Variants in RTEL1 observed in about 807,000 individuals in gnomAD.
RTEL1 encodes regulator of telomere elongation helicase 1.
Under a neutral mutation model 162.2 loss-of-function variants are expected in RTEL1, and 86 were observed. The ratio of observed to expected loss-of-function variants is 0.53; its 90% confidence interval spans 0.45 to 0.63. The LOEUF (loss-of-function observed/expected upper bound fraction) is 0.63. RTEL1 is among the 30% of genes least tolerant of loss of function. The probability of loss-of-function intolerance (pLI) is 0.00; values close to 1 mark genes in which losing one functional copy is unlikely to be tolerated. For missense variants in RTEL1, 1,941 were observed against 1,750.2 expected, an observed-to-expected ratio of 1.11 and a Z score of -1.95; for synonymous variants, 958 against 717.9, an observed-to-expected ratio of 1.33 and a Z score of -5.35.
In RTEL1 at chr20:63,685,816, A is replaced by T. The variant is rs914817068; in HGVS notation, c.1292A>T (p.His431Leu). Residue 431 changes from histidine to leucine, a missense_variant, in exon 16 of 35, where the codon CAC becomes CTC. Transcript: ENST00000360203. ...YKVHIHPDAG[H>L]RRTAQRSDAW... ...GTGCACATCCATCCTGATGCTGGTC[A>T]CCGGAGGACGGCTCAGCGGTCTGAT... The T allele has an allele frequency of 1.9e-5, 31 of 1,612,632 alleles. No homozygotes were observed. Among genetic ancestry groups the T allele is most frequent in the Non-Finnish European group, 2.5e-5 (29 of 1,179,924 alleles).
chr20:63,665,358 TG>T, intron 6 of RTEL1: 1 of 152,572 alleles, frequency 6.6e-6, no homozygotes, highest in Non-Finnish European at 1.5e-5. Context: ...GGTTCCAGTT[TG>T]GGGGGCCTGT....
intron 30 of RTEL1, among the ~76,000 whole-genome samples, chr20:63,693,510 TCCTCCACCACCACCACCTCCA>T (rs2090851599): frequency 2.3e-4 from 1 of 4,384 alleles, no homozygotes; most frequent in Non-Finnish European, 3.9e-4. Context: ...CACCACCACC[TCCTCCACCACCACCACCTCCA>T]CCACCACCAC....
rs1313517110 is a variant in RTEL1, at chr20:63,661,410, T to C, written c.215T>C (p.Ile72Thr). The change falls in exon 3 of 35, where the codon ATT becomes ACT. Residue 72 changes from isoleucine (I) to threonine (T), a missense_variant. Physicochemically the swap from Ile to Thr is moderately conservative, Grantham distance 89. Transcript: ENST00000360203. The surrounding 1 kb of genome is among the most constrained non-coding windows in gnomAD (Gnocchi z 5.1). Reference sequence around the variant, plus strand: ...CGAGACGGCATCTCTGCCCGCAAGATTGCCGAGAGGGCGCAAGGAGAGCTT... The same window carrying C: ...CGAGACGGCATCTCTGCCCGCAAGACTGCCGAGAGGGCGCAAGGAGAGCTT... The part of the protein sequence containing the change: ...HLRDGISARK[I>T]AERAQGELFP... 2 of 1,613,826 alleles carry C rather than the reference T, an allele frequency of 1.2e-6. No homozygotes were observed. Among genetic ancestry groups the C allele is most frequent in the East Asian group, 2.2e-5 (1 of 44,880 alleles).
In RTEL1 at chr20:63,661,490, C is replaced by G. The variant is rs756311232; in HGVS notation, c.295C>G (p.Pro99Ala). Residue 99 changes from proline to alanine, a missense_variant, in exon 3 of 35, where the codon CCC becomes GCC. By Grantham distance (27) the Pro-to-Ala change is conservative (BLOSUM62 -1). Coordinates refer to ENST00000360203, the MANE Select transcript of RTEL1 (RefSeq NM_001283009.2). This position sits in a 1 kb window ranked among gnomAD's most constrained non-coding sequence, Gnocchi z 5.1. ...CAACGCTGCTGCTGCTGCTGGAGAC[C>G]CCATAGGTGACCCTAGTTCCCAGGC... is the stretch of plus-strand genomic sequence containing the variant. Reference protein sequence around the residue: ...WGNAAAAAGDPIACYTDIPKI... With the variant: ...WGNAAAAAGDAIACYTDIPKI... 1.9e-6 allele frequency: 3 copies of G among 1,610,162 alleles called. No individual in the cohort carries two copies. Among genetic ancestry groups the G allele is most frequent in the Middle Eastern group, 1.6e-4 (1 of 6,080 alleles).
intron 14 of RTEL1, chr20:63,681,082 C>T (rs2090469141): frequency 2.0e-6 from 2 of 985,428 alleles, no homozygotes; most frequent in Non-Finnish European, 1.2e-6. Flanking sequence ...GCTCTGGACA[C>T]ACGCGGCTTC....
intron 30 of RTEL1, among the ~76,000 whole-genome samples, 162 bp downstream of exon 30, chr20:63,693,445 G>T (rs1386233814): frequency 1.5e-5 from 1 of 65,664 alleles, no homozygotes; most frequent in Admixed American, 1.4e-4. Context: ...ACCAGCACCA[G>T]CAGCACCACC....
At chr20:63,672,726 T>A in intron 9 of RTEL1, 105 bp downstream of exon 9, 1 of 950,926 alleles carries the variant, frequency 1.1e-6, no homozygotes, top group Non-Finnish European at 1.7e-6. Flanking sequence ...CCTGAAGCCC[T>A]AGGTGCCCAG....
chr20:63,685,983 G>A, intron 16 of RTEL1, 111 bp downstream of exon 16: 2 of 1,004,412 alleles, frequency 2.0e-6, no homozygotes, highest in Non-Finnish European at 3.0e-6. Flanking sequence ...CCATGGGCCT[G>A]GCCACCTTCT....
Position 63,661,230 on chromosome 20 carries a change from T to A in RTEL1, c.103-68T>A. On this transcript the variant is annotated intron_variant, in intron 2 of 34. Coordinates refer to ENST00000360203, the MANE Select transcript of RTEL1 (RefSeq NM_001283009.2). The surrounding 1 kb of genome is among the most constrained non-coding windows in gnomAD (Gnocchi z 5.1). ...TGCCCGCTGGCTGCCGAAGCTTGTC[T>A]CAGGGCAGCTTGTGTGGCCTCGCCT... 6.8e-7 allele frequency: 1 copy of A among 1,469,582 alleles called. No homozygotes were observed. The highest frequency in any genetic ancestry group is 1.2e-5 in the South Asian group (1 of 86,140). The allele number at this position is 1,469,582 out of a possible 1,614,324, so 91.0% of individuals were successfully genotyped here.
rs74179819 is a variant in RTEL1, at chr20:63,693,621, A to T, written c.2992+338A>T. Among the ~76,000 whole-genome samples, 115 of 19,816 alleles carry T rather than the reference A, an allele frequency of 5.8e-3. 1 individual carries two copies. Among genetic ancestry groups the T allele is most frequent in the South Asian group, 8.7e-3 (4 of 462 alleles). 13.0% of individuals were successfully genotyped at this position (19,816 alleles called of 152,430 possible). A position where few individuals can be genotyped will look rare whatever the true frequency, so the allele number is the denominator to read the frequency against. On this transcript the variant is annotated intron_variant, in intron 30 of 34. Transcript: ENST00000360203. ...CTCCACCACCACCACCTCCACCTCC[A>T]CCACCACCTCCACCACCACCACCTC...
rs1404676478 is a variant in RTEL1, at chr20:63,680,091, C to T, written c.1135+145C>T. On this transcript the variant is annotated intron_variant, in intron 13 of 34. Coordinates refer to ENST00000360203, the MANE Select transcript of RTEL1 (RefSeq NM_001283009.2). Reference sequence around the variant, plus strand: ...ACAGAACCTCATCTTCTGATCGGGGCGTGGAGGCGTTAGTGCCACTTGCCA... The same window carrying T: ...ACAGAACCTCATCTTCTGATCGGGGTGTGGAGGCGTTAGTGCCACTTGCCA... 27 of 623,030 alleles carry T rather than the reference C, an allele frequency of 4.3e-5. No individual in the cohort carries two copies. In the East Asian group the frequency reaches 6.7e-4, roughly 15 times the overall value. 38.6% of individuals were successfully genotyped at this position (623,030 alleles called of 1,614,324 possible).
At chr20:63,689,927 T>C in intron 24 of RTEL1, 62 bp downstream of exon 24, 1 of 1,560,316 alleles carries the variant, frequency 6.4e-7, no homozygotes, top group East Asian at 2.3e-5. Flanking sequence ...ACTGGGCCCC[T>C]GGACTCTCCT....
At chr20:63,689,179 G>C (rs748142510) in intron 22 of RTEL1, 47 bp downstream of exon 22, 1 of 1,569,264 alleles carries the variant, frequency 6.4e-7, no homozygotes, top group Non-Finnish European at 8.7e-7. Flanking sequence ...CCTGTTCCCT[G>C]GTGGGTGCTT....
chr20:63,691,849 G>T lies in RTEL1; in HGVS notation c.2652+12G>T. 1 of 1,604,860 alleles carries T rather than the reference G, an allele frequency of 6.2e-7. No homozygotes were observed. On this transcript the variant is annotated intron_variant, in intron 28 of 34. Transcript: ENST00000360203. ...TGGTCAGCCACCCGGTGCGTGAGCT[G>T]TCCCTGCACCTGTGCCGACCACCAT...
chr20:63,678,121 C>T (rs1395258627), intron 10 of RTEL1, 24 bp from the exon 11 acceptor site: 2 of 1,614,168 alleles, frequency 1.2e-6, no homozygotes, highest in African/African-American at 1.3e-5. Flanking sequence ...TGCAGACTGC[C>T]TTTGCTGCCT....
intron 30 of RTEL1, among the ~76,000 whole-genome samples, chr20:63,693,824 C>T (rs539264874): frequency 1.4e-5 from 2 of 145,022 alleles, no homozygotes; most frequent in East Asian, 2.1e-4. Flanking sequence ...AGCCCTGTCC[C>T]TGCCATAGCC....
At chr20:63,693,486 A>ACCACCACCTCCACCTCCACCT (rs2090844506) in intron 30 of RTEL1, among the ~76,000 whole-genome samples, 1 of 21,220 alleles carries the variant, frequency 4.7e-5, no homozygotes, top group Non-Finnish European at 1.1e-4. Flanking sequence ...CACCTCCACC[A>ACCACCACCTCCACCTCCACCT]CCACCTCCAC....
Position 63,692,788 on chromosome 20 carries a change from G to C in RTEL1, c.2653-17G>C. On this transcript the variant is annotated splice_polypyrimidine_tract_variant and intron_variant, in intron 28 of 34. Coordinates refer to ENST00000360203, the MANE Select transcript of RTEL1 (RefSeq NM_001283009.2). ...ATGAGGCTGGCCCTGATGGAGCCTC[G>C]GGCCTGTGTCCTGCAGGAGGAGCCC... is the stretch of plus-strand genomic sequence containing the variant. 6.2e-7 allele frequency: 1 copy of C among 1,604,086 alleles called. No homozygotes were observed. The highest frequency in any genetic ancestry group is 8.5e-7 in the Non-Finnish European group (1 of 1,173,474).
chr20:63,667,561 C>A lies in RTEL1; in HGVS notation c.699+8C>A. 6.2e-7 allele frequency: 1 copy of A among 1,611,054 alleles called. No individual in the cohort carries two copies. The highest frequency in any genetic ancestry group is 8.5e-7 in the Non-Finnish European group (1 of 1,177,270). On this transcript the variant is annotated splice_region_variant and intron_variant, in intron 8 of 34. Coordinates refer to ENST00000360203, the MANE Select transcript of RTEL1 (RefSeq NM_001283009.2). ...TACTTGTTGGATGCCAAGGTGGGGG[C>A]TCAGTCCTGTAGCTGACGACTCCTG...
Sources: gnomAD v4.1 joint callset for allele counts (sites outside exome capture counted in the v4.1 genomes callset) on GRCh38, gnomAD v4.1.1 for gene constraint, Gnocchi (gnomAD v3.1) non-coding constraint, MANE v1.5 for transcripts, NCBI Gene and HGNC (gene_info 2026-07-23, HGNC 2026-07-21) for gene names.